Variants in ADGRL2 observed in about 807,000 individuals in gnomAD.
ADGRL2 encodes the protein calcium-independent alpha-latrotoxin receptor 2.
ADGRL2 carries 44 observed loss-of-function variants against 157.4 expected under a neutral mutation model. The observed-to-expected ratio is 0.28, with a 90% CI of 0.22 to 0.36. The LOEUF (loss-of-function observed/expected upper bound fraction) is 0.36. Among genes scored for constraint, ADGRL2 ranks in the 10% least tolerant of loss-of-function variants. ADGRL2 has a pLI of 1.00. For missense variants in ADGRL2, 1,510 were observed against 1,768.9 expected, an observed-to-expected ratio of 0.85 and a Z score of 2.63; for synonymous variants, 585 against 624.7, an observed-to-expected ratio of 0.94 and a Z score of 0.95.
intron 2 of ADGRL2, among the ~76,000 whole-genome samples, chr1:81,571,417 A>G (rs996047531): frequency 6.8e-6 from 1 of 148,132 alleles, no homozygotes; most frequent in African/African-American, 2.5e-5. Flanking sequence ...GTATATATGT[A>G]TATATATGTG....
chr1:81,967,903 A>G, intron 13 of ADGRL2, 123 bp from the exon 14 acceptor site: 1 of 802,932 alleles, frequency 1.2e-6, no homozygotes, highest in South Asian at 1.7e-5. Context: ...TTTGCTGATG[A>G]AAAACTTTAT....
intron 2 of ADGRL2, among the ~76,000 whole-genome samples, chr1:81,858,495 A>G (rs985587186): frequency 6.6e-6 from 1 of 152,194 alleles, no homozygotes; most frequent in Non-Finnish European, 1.5e-5. Flanking sequence ...TTAGGGCAAG[A>G]ACAAAGGTGG....
intron 1 of ADGRL2, among the ~76,000 whole-genome samples, chr1:81,808,174 T>G (rs2089408822): frequency 6.6e-6 from 1 of 152,028 alleles, no homozygotes; most frequent in African/African-American, 2.4e-5. Flanking sequence ...TAATATAGTT[T>G]GTCTTCACAG....
intron 1 of ADGRL2, among the ~76,000 whole-genome samples, chr1:81,409,242 A>C (rs961061693): frequency 2.6e-4 from 40 of 151,934 alleles, no homozygotes; most frequent in African/African-American, 8.0e-4. Context: ...ATAAGCAAAA[A>C]TAAAAGGAGA....
At chr1:81,978,238 G>A (rs1660727632) in intron 17 of ADGRL2, among the ~76,000 whole-genome samples, 1 of 151,532 alleles carries the variant, frequency 6.6e-6, no homozygotes, top group Non-Finnish European at 1.5e-5. Context: ...AATACAATAA[G>A]CACATCCTTG....
At chr1:81,372,469 C>G (rs557859707) in intron 1 of ADGRL2, among the ~76,000 whole-genome samples, 1 of 152,192 alleles carries the variant, frequency 6.6e-6, no homozygotes, top group Non-Finnish European at 1.5e-5. Flanking sequence ...CCCCCATTTG[C>G]TAGCACCTGT....
intron 1 of ADGRL2, among the ~76,000 whole-genome samples, chr1:81,388,214 C>T (rs372235988): frequency 1.3e-5 from 2 of 152,090 alleles, no homozygotes; most frequent in Non-Finnish European, 2.9e-5. Flanking sequence ...GATGATTCTC[C>T]TGGTTTTCAC....
At chr1:81,939,455 A>G (rs1433470912) in intron 4 of ADGRL2, among the ~76,000 whole-genome samples, 1 of 151,562 alleles carries the variant, frequency 6.6e-6, no homozygotes, top group South Asian at 2.1e-4. Flanking sequence ...TTGTAAAACT[A>G]CTATAATATT....
intron 2 of ADGRL2, among the ~76,000 whole-genome samples, chr1:81,468,362 A>G (rs2078103356): frequency 6.6e-6 from 1 of 152,190 alleles, no homozygotes; most frequent in African/African-American, 2.4e-5. Context: ...AGCATACTAT[A>G]CTTGAAACTT....
chr1:81,951,066 A>C lies in ADGRL2; in HGVS notation c.1553A>C (p.Lys518Thr). 2 of 1,613,476 alleles carry C rather than the reference A, an allele frequency of 1.2e-6. No homozygotes were observed. The highest frequency in any genetic ancestry group is 1.7e-6 in the Non-Finnish European group (2 of 1,179,518). ...ATTTCCACTGGAACATGGAACCCTA[A>C]GGGCCCCGATCTTAGCAACTGTACC... Reference protein sequence around the residue: ...CMISTGTWNPKGPDLSNCTSH... With the variant: ...CMISTGTWNPTGPDLSNCTSH... Residue 518 changes from lysine (K) to threonine (T), a missense_variant, in exon 8 of 24, where the codon AAG (lysine) becomes ACG (threonine). By Grantham distance (78) the Lys-to-Thr change is moderately conservative. This residue lies in a region of ADGRL2 where 325 missense variants were observed against 333.2 expected (regional missense o/e 0.98). Coordinates refer to ENST00000686636, the MANE Select transcript of ADGRL2 (RefSeq NM_001366006.2).
At chr1:81,380,306 C>T (rs552433726) in intron 1 of ADGRL2, among the ~76,000 whole-genome samples, 2 of 152,294 alleles carry the variant, frequency 1.3e-5, no homozygotes, top group East Asian at 3.9e-4. Context: ...TTTAAAATCA[C>T]GGAGTTCTTA....
Position 81,728,377 on chromosome 1 carries a change from C to T in ADGRL2, c.-143+28569C>T, listed in dbSNP as rs929200859. 2.6e-5 allele frequency among the ~76,000 whole-genome samples: 4 copies of T among 152,192 alleles called. No homozygotes were observed. The East Asian group carries it at 7.7e-4, about 29-fold the overall frequency. ...ATGACTAGAGAAGCCACTAAGCCTA[C>T]TTTACCTCATAACATATTAACATGT... On this transcript the variant is annotated intron_variant, in intron 1 of 20. Transcript: ENST00000359929.
Position 81,748,467 on chromosome 1 carries a change from CAAAAAA to C in ADGRL2, c.-142-13325_-142-13320del, listed in dbSNP as rs973818702. 7.1e-5 allele frequency among the ~76,000 whole-genome samples: 3 copies of C among 42,408 alleles called. No homozygotes were observed. In the East Asian group the frequency reaches 2.6e-3, roughly 37 times the overall value. 27.8% of individuals were successfully genotyped at this position (42,408 alleles called of 152,430 possible). ...CTGGCAATAGAGGGAGATTCCGTCT[CAAAAAA>C]AAAAAAAAAAAAAAAAAAGAAAGAA... On this transcript the variant is annotated intron_variant, in intron 1 of 20. Coordinates refer to the ADGRL2 transcript ENST00000359929.
chr1:81,648,640 G>C (rs1378192020), intron 3 of ADGRL2, among the ~76,000 whole-genome samples: 1 of 152,128 alleles, frequency 6.6e-6, no homozygotes, highest in African/African-American at 2.4e-5. Context: ...GTTCCAAGGA[G>C]AATAAAATTT....
At chr1:81,421,627 A>G (rs1010422363) in intron 1 of ADGRL2, among the ~76,000 whole-genome samples, 1 of 152,122 alleles carries the variant, frequency 6.6e-6, no homozygotes, top group African/African-American at 2.4e-5. Flanking sequence ...AGCTATCATG[A>G]CAGTGTCATA....
chr1:81,557,475 A>AAAGAAAG (rs796747087), intron 2 of ADGRL2: 4 of 9,736 alleles, frequency 4.1e-4, no homozygotes, highest in Non-Finnish European at 8.6e-4. Flanking sequence ...AAGAAGAAAG[A>AAAGAAAG]AAGAAAGAAG....
chr1:81,793,068 G>A (rs541842839), intron 2 of ADGRL2, among the ~76,000 whole-genome samples: 16 of 152,024 alleles, frequency 1.1e-4, no homozygotes, highest in Non-Finnish European at 1.5e-4. Context: ...AAGACCTTAC[G>A]ACCCTGGGAA....
At chr1:81,866,927 C>A (rs2093558592) in intron 2 of ADGRL2, among the ~76,000 whole-genome samples, 1 of 152,048 alleles carries the variant, frequency 6.6e-6, no homozygotes, top group Non-Finnish European at 1.5e-5. Flanking sequence ...GCATAGGAAT[C>A]TTAGGTGACT....
intron 3 of ADGRL2, among the ~76,000 whole-genome samples, chr1:81,684,477 A>C (rs1052134022): frequency 2.0e-5 from 3 of 151,522 alleles, no homozygotes; most frequent in African/African-American, 7.3e-5. Flanking sequence ...TTTTGATGGG[A>C]TGGTTTGTTT....
Sources: allele counts gnomAD v4.1 joint callset (sites outside exome capture counted in the v4.1 genomes callset), GRCh38; gene constraint gnomAD v4.1.1; regional missense constraint gnomAD v4.1.1; transcripts MANE v1.5; gene names NCBI Gene and HGNC (gene_info 2026-07-23, HGNC 2026-07-21).